ADAM12: variants seen among roughly 807,000 people sequenced by gnomAD.
The protein encoded by ADAM12 is ADAM metallopeptidase domain 12, also known as disintegrin and metalloproteinase domain-containing protein 12.
Under a neutral mutation model 106.4 loss-of-function variants are expected in ADAM12, and 70 were observed. The observed-to-expected ratio is 0.66, with a 90% confidence interval of 0.54 to 0.80. The LOEUF (loss-of-function observed/expected upper bound fraction) is 0.80, where lower values mean the gene tolerates loss of function less well. Among genes scored for constraint, ADAM12 ranks in the 30% least tolerant of loss-of-function variants. The probability of loss-of-function intolerance (pLI) is 0.00; values close to 1 mark genes in which losing one functional copy is unlikely to be tolerated. For synonymous variants in ADAM12, 420 were observed against 433.5 expected (o/e 0.97, Z 0.39); for missense variants, 1,010 against 1,171.9 (o/e 0.86, Z 2.02).
intron 3 of ADAM12, among the ~76,000 whole-genome samples, chr10:126,240,701 G>A (rs1401577550): frequency 2.6e-5 from 4 of 152,210 alleles, no homozygotes; most frequent in East Asian, 1.9e-4. Context: ...AAGAGACCAC[G>A]TGCTTGAGAA....
At chr10:126,185,906 G>A (rs962285615) in intron 3 of ADAM12, among the ~76,000 whole-genome samples, 1 of 152,160 alleles carries the variant, frequency 6.6e-6, no homozygotes, top group African/African-American at 2.4e-5. Flanking sequence ...ATTAGCCAGG[G>A]AAATGAACTA....
intron 3 of ADAM12, among the ~76,000 whole-genome samples, chr10:126,167,502 C>T (rs1009328252): frequency 2.0e-5 from 3 of 152,180 alleles, no homozygotes; most frequent in Non-Finnish European, 4.4e-5. Context: ...CTGAAAGGAA[C>T]AACGAGGAAC....
At position 126,066,737 on chromosome 10, in the gene ADAM12, G is replaced by T; in HGVS notation, c.1393C>A (p.Leu465Met). Residue 465 changes from leucine to methionine, a missense_variant, in exon 13 of 23, where the codon CTG becomes ATG. Leu to Met is a conservative substitution (Grantham distance 15, BLOSUM62 2). Transcript: ENST00000448723. This position sits in a 1 kb window ranked among gnomAD's most constrained non-coding sequence, Gnocchi z 5.1. ...LKPDAVCAHG[L>M]CCEDCQLKPA... Reference sequence around the variant, plus strand: ...CTCACCTGGCAGTCTTCACAGCACAGCCCATGTGCGCACACAGCGTCCGGC... The same window carrying T: ...CTCACCTGGCAGTCTTCACAGCACATCCCATGTGCGCACACAGCGTCCGGC... 6.2e-7 allele frequency: 1 copy of T among 1,614,204 alleles called. No individual in the cohort carries two copies. Among genetic ancestry groups the T allele is most frequent in the Non-Finnish European group, 8.5e-7 (1 of 1,180,016 alleles).
intron 3 of ADAM12, among the ~76,000 whole-genome samples, chr10:126,192,363 T>C (rs988445191): frequency 2.0e-5 from 3 of 152,192 alleles, no homozygotes; most frequent in African/African-American, 4.8e-5. Context: ...CAAACATACA[T>C]TGAGCACCCT....
chr10:126,214,207 G>A (rs112323383), intron 3 of ADAM12, among the ~76,000 whole-genome samples: 4,299 of 152,288 alleles, frequency 0.028, 180 homozygotes, highest in African/African-American at 0.092. Flanking sequence ...GGCCGTGGTC[G>A]TATGCGCAGA....
intron 3 of ADAM12, among the ~76,000 whole-genome samples, chr10:126,261,379 G>A (rs1430757001): frequency 6.6e-6 from 1 of 152,120 alleles, no homozygotes; most frequent in Non-Finnish European, 1.5e-5. Context: ...ACTATACTTA[G>A]AAAAAAGCAA....
intron 3 of ADAM12, among the ~76,000 whole-genome samples, chr10:126,169,945 C>G (rs943132146): frequency 6.6e-6 from 1 of 152,202 alleles, no homozygotes; most frequent in Non-Finnish European, 1.5e-5. Context: ...TCCGCCTAGC[C>G]CAAAGCAGGG....
At chr10:126,133,362 C>T (rs1011917556) in intron 5 of ADAM12, among the ~76,000 whole-genome samples, 3 of 152,078 alleles carry the variant, frequency 2.0e-5, no homozygotes, top group African/African-American at 7.2e-5. Context: ...GTGCTCACAC[C>T]CCACGCTTCC....
rs1221184084 is a variant in ADAM12 at position 126,114,173 on chromosome 10, A to T, written c.603+3865T>A. Among the ~76,000 whole-genome samples the T allele has an allele frequency of 2.0e-5, 3 of 152,174 alleles. No individual in the cohort carries two copies. In the South Asian group the frequency reaches 6.2e-4, roughly 32 times the overall value. On this transcript the variant is annotated intron_variant, in intron 6 of 22. Transcript: ENST00000448723. ...CACACACTGATCATATCCACACAGG[A>T]TACAGCCTCTGACACCTGGCCGACA...
chr10:126,243,996 C>T (rs190230658), intron 3 of ADAM12, among the ~76,000 whole-genome samples: 1 of 152,292 alleles, frequency 6.6e-6, no homozygotes, highest in East Asian at 1.9e-4. Flanking sequence ...CTGGATCAGA[C>T]TGGGGGAGAA....
chr10:126,250,320 C>A (rs548232824), intron 3 of ADAM12, among the ~76,000 whole-genome samples: 45 of 152,220 alleles, frequency 3.0e-4, no homozygotes, highest in Admixed American at 1.4e-3. Flanking sequence ...ACAGTGCTCT[C>A]TAAGATAAAC....
chr10:126,183,044 AT>A (rs1357296613), intron 3 of ADAM12, among the ~76,000 whole-genome samples: 1 of 152,112 alleles, frequency 6.6e-6, no homozygotes, highest in Non-Finnish European at 1.5e-5. Flanking sequence ...GAAGCACTAG[AT>A]TCTCACAAGA....
At chr10:126,234,758 A>G (rs982774280) in intron 3 of ADAM12, among the ~76,000 whole-genome samples, 11 of 152,196 alleles carry the variant, frequency 7.2e-5, no homozygotes, top group Non-Finnish European at 1.6e-4. Flanking sequence ...AGTGATCCGG[A>G]AAACAGGAAT....
intron 1 of ADAM12, among the ~76,000 whole-genome samples, chr10:126,339,024 A>C (rs931009631): frequency 3.3e-5 from 5 of 152,170 alleles, no homozygotes; most frequent in Non-Finnish European, 7.3e-5. Flanking sequence ...CCTTCTGCCA[A>C]AATACACACC....
intron 3 of ADAM12, among the ~76,000 whole-genome samples, chr10:126,248,606 G>A (rs541004039): frequency 7.9e-5 from 12 of 152,254 alleles, no homozygotes; most frequent in African/African-American, 2.6e-4. Context: ...GACAATTATC[G>A]AATGCATACC....
At chr10:126,369,425 G>A (rs1295796918) in intron 1 of ADAM12, among the ~76,000 whole-genome samples, 2 of 152,160 alleles carry the variant, frequency 1.3e-5, no homozygotes, top group African/African-American at 4.8e-5. Flanking sequence ...ATAGCATTTT[G>A]AGAACATTTA....
chr10:126,166,114 C>T (rs909382532), intron 3 of ADAM12, among the ~76,000 whole-genome samples: 1 of 152,222 alleles, frequency 6.6e-6, no homozygotes, highest in Admixed American at 6.5e-5. Flanking sequence ...TGCAAAATAA[C>T]TTCTTAATAT....
chr10:126,162,247 G>A (rs1043973331), intron 3 of ADAM12, among the ~76,000 whole-genome samples: 2 of 152,134 alleles, frequency 1.3e-5, no homozygotes, highest in African/African-American at 2.4e-5. Flanking sequence ...CAAGGGAGCC[G>A]GGAAAGATGG....
intron 4 of ADAM12, among the ~76,000 whole-genome samples, chr10:126,144,366 G>T (rs1417515140): frequency 6.6e-6 from 1 of 152,172 alleles, no homozygotes; most frequent in East Asian, 1.9e-4. Flanking sequence ...AAAATGTAAG[G>T]CATTGTTACA....
Sources: allele counts gnomAD v4.1 joint callset (sites outside exome capture counted in the v4.1 genomes callset), GRCh38; gene constraint gnomAD v4.1.1; non-coding constraint Gnocchi (gnomAD v3.1); transcripts MANE v1.5; gene names NCBI Gene and HGNC (gene_info 2026-07-23, HGNC 2026-07-21).